The following SPATA7 variants were observed in gnomAD, a reference collection of about 807,000 sequenced individuals.
SPATA7 encodes the protein spermatogenesis-associated protein 7.
SPATA7 carries 43 observed loss-of-function variants against 51.8 expected under a neutral mutation model. That is an observed-to-expected ratio of 0.83 (90% CI 0.65 to 1.07). SPATA7 has a LOEUF of 1.07. Among genes scored for constraint, SPATA7 ranks in the 50% least tolerant of loss-of-function variants. The probability of loss-of-function intolerance (pLI) is 0.00; values close to 1 mark genes in which losing one functional copy is unlikely to be tolerated. For synonymous variants in SPATA7, 230 were observed against 252.8 expected, an observed-to-expected ratio of 0.91 and a Z score of 0.86; for missense variants, 683 against 701.3, an observed-to-expected ratio of 0.97 and a Z score of 0.30.
chr14:88,429,513 T>A (rs777141778), intron 8 of SPATA7, 50 bp downstream of exon 8: 3 of 1,169,518 alleles, frequency 2.6e-6, no homozygotes, highest in Non-Finnish European at 2.6e-6. Context: ...ATTGCCTTCT[T>A]GTATAACAGA....
chr14:88,416,518 T>C (rs539976712), intron 4 of SPATA7, 193 bp from the exon 5 acceptor site: 157 of 477,658 alleles, frequency 3.3e-4, no homozygotes, highest in Admixed American at 1.3e-3. Context: ...TGTTAGTTAA[T>C]ATCTAGAGGC....
intron 2 of SPATA7, among the ~76,000 whole-genome samples, chr14:88,392,622 T>C (rs185831595): frequency 9.6e-4 from 146 of 152,292 alleles, no homozygotes; most frequent in African/African-American, 3.4e-3. Context: ...AGTATATTTC[T>C]GGGAAGGGAG....
rs2077427108 is a variant in SPATA7, at chr14:88,469,716, C to T, written c.255-131C>T. The T allele has an allele frequency of 1.9e-6, 3 of 1,614,194 alleles. No individual in the cohort carries two copies. The highest frequency in any genetic ancestry group is 2.5e-6 in the Non-Finnish European group (3 of 1,180,040). On this transcript the variant is annotated intron_variant, in intron 4 of 4. Transcript: ENST00000556406. This position sits in a 1 kb window ranked among gnomAD's most constrained non-coding sequence, Gnocchi z 4.3. ...CAAGTCGTGGCCAGTACCTAAAGCT[C>T]TTCTCCCTTCCACCCTCCTGTTAAA... is the stretch of plus-strand genomic sequence containing the variant.
chr14:88,404,910 C>T (rs1225082824), intron 4 of SPATA7, among the ~76,000 whole-genome samples: 1 of 152,120 alleles, frequency 6.6e-6, no homozygotes, highest in East Asian at 1.9e-4. Context: ...GACAAATTTC[C>T]TGCTTTTGTA....
rs998789837 is a variant in SPATA7, at chr14:88,468,798, C to A, written c.255-1049C>A. ...CTTTTGCAGGGAACATTAGTAACAT[C>A]TTGAGGCCACCACAGTCCAAGGAAA... On this transcript the variant is annotated intron_variant, in intron 4 of 4. Transcript: ENST00000556406. 11 of 1,303,258 alleles carry A rather than the reference C, an allele frequency of 8.4e-6. No individual in the cohort carries two copies. In the South Asian group the frequency reaches 1.4e-4, roughly 17 times the overall value. The allele number at this position is 1,303,258 out of a possible 1,614,324, so 80.7% of individuals were successfully genotyped here. A position where few individuals can be genotyped will look rare whatever the true frequency, so the allele number is the denominator to read the frequency against.
intron 5 of SPATA7, among the ~76,000 whole-genome samples, chr14:88,420,145 C>A (rs2139974413): frequency 6.6e-6 from 1 of 152,256 alleles, no homozygotes; most frequent in East Asian, 1.9e-4. Flanking sequence ...CCCCAAGCCA[C>A]ACCAAGAGAA....
downstream of SPATA7, chr14:88,438,588 T>C: frequency 1.4e-6 from 1 of 690,928 alleles, no homozygotes; most frequent in East Asian, 2.7e-5. Context: ...TCCCACAGTT[T>C]TGTGGATCAG....
chr14:88,434,010 G>A (rs1030767050), intron 10 of SPATA7, among the ~76,000 whole-genome samples: 4 of 152,086 alleles, frequency 2.6e-5, no homozygotes, highest in African/African-American at 9.7e-5. Flanking sequence ...TGGGTAAAGA[G>A]TTTCAGGATA....
intron 4 of SPATA7, among the ~76,000 whole-genome samples, chr14:88,402,449 C>T (rs113765210): frequency 0.035 from 5,351 of 152,040 alleles, 307 homozygotes; most frequent in African/African-American, 0.12. Flanking sequence ...AAAACACATA[C>T]CAGACCAATG....
chr14:88,448,954 C>G (rs2077232684), intron 3 of SPATA7, among the ~76,000 whole-genome samples: 1 of 152,186 alleles, frequency 6.6e-6, no homozygotes, highest in Non-Finnish European at 1.5e-5. Flanking sequence ...ATCTTCTCTC[C>G]TTTTCTTCGT....
chr14:88,404,636 G>A (rs956131154), intron 4 of SPATA7, among the ~76,000 whole-genome samples: 29 of 152,128 alleles, frequency 1.9e-4, no homozygotes, highest in African/African-American at 7.0e-4. Context: ...AGAATCACTT[G>A]AACCCGGGAG....
chr14:88,437,368 C>A (rs540673127), intron 10 of SPATA7, among the ~76,000 whole-genome samples, 175 bp from the exon 11 acceptor site: 67 of 152,044 alleles, frequency 4.4e-4, no homozygotes, highest in African/African-American at 1.5e-3. Context: ...TAATGTGAAG[C>A]AAATGCATAA....
intron 6 of SPATA7, 54 bp from the exon 7 acceptor site, chr14:88,427,576 C>G: frequency 8.1e-7 from 1 of 1,239,538 alleles, no homozygotes; most frequent in Non-Finnish European, 1.2e-6. Flanking sequence ...AACCTTGTTA[C>G]CACAGTGCTT....
chr14:88,396,069 G>T (rs1290613724), intron 3 of SPATA7, 87 bp from the exon 4 acceptor site: 2 of 1,045,926 alleles, frequency 1.9e-6, no homozygotes, highest in African/African-American at 1.6e-5. Context: ...CAGCTGCAAG[G>T]TCTGGAACAT....
intron 10 of SPATA7, among the ~76,000 whole-genome samples, chr14:88,435,393 G>A (rs2077056265): frequency 6.6e-6 from 1 of 152,086 alleles, no homozygotes; most frequent in Non-Finnish European, 1.5e-5. Context: ...ACGGAGAGTG[G>A]GGTATCCATC....
intron 4 of SPATA7, chr14:88,416,019 A>C (rs934402821): frequency 2.6e-5 from 4 of 152,316 alleles, no homozygotes; most frequent in African/African-American, 9.7e-5. Flanking sequence ...TGCCATATGA[A>C]ATGCACATTC....
chr14:88,452,758 C>G (rs1175183088), intron 3 of SPATA7, among the ~76,000 whole-genome samples: 3 of 152,196 alleles, frequency 2.0e-5, no homozygotes, highest in Non-Finnish European at 4.4e-5. Context: ...CCACTCTCTT[C>G]TTTAAAACAC....
At chr14:88,390,132 G>T (rs1164097108) in intron 1 of SPATA7, among the ~76,000 whole-genome samples, 1 of 152,166 alleles carries the variant, frequency 6.6e-6, no homozygotes, top group East Asian at 1.9e-4. Flanking sequence ...GTATTGTAAG[G>T]ATTAAATGAA....
In SPATA7 at chr14:88,391,452, A is replaced by G. The variant is rs1233711741; in HGVS notation, c.91A>G (p.Asn31Asp). Reference protein sequence around the residue: ...LFKGHLSTKSNAFCTDSSSLR... With the variant: ...LFKGHLSTKSDAFCTDSSSLR... ...TAAAGGACACTTGAGCACCAAAAGT[A>G]ATGGTAAGTGAGGTGCTTAAAACGG... The change falls in exon 2 of 12, where the codon AAT (asparagine) becomes GAT (aspartate). Residue 31 changes from asparagine (N) to aspartate (D), a missense_variant. Physicochemically the swap from Asn to Asp is conservative, Grantham distance 23 (BLOSUM62 1). Transcript: ENST00000393545. 2.2e-5 allele frequency: 36 copies of G among 1,613,332 alleles called. No homozygotes were observed. The highest frequency in any genetic ancestry group is 2.8e-5 in the Non-Finnish European group (33 of 1,179,560).
Sources: gnomAD v4.1 joint callset for allele counts (sites outside exome capture counted in the v4.1 genomes callset) on GRCh38, gnomAD v4.1.1 for gene constraint, Gnocchi (gnomAD v3.1) non-coding constraint, MANE v1.5 for transcripts, NCBI Gene and HGNC (gene_info 2026-07-23, HGNC 2026-07-21) for gene names.